The following PRIM1 variants were observed in gnomAD, a reference collection of about 807,000 sequenced individuals.
PRIM1 encodes DNA primase small subunit.
A neutral mutation model predicts 60.2 loss-of-function variants in PRIM1; 38 were observed. The ratio of observed to expected loss-of-function variants is 0.63; its 90% CI spans 0.49 to 0.83. PRIM1 has a LOEUF of 0.83. Among genes scored for constraint, PRIM1 ranks in the 40% least tolerant of loss-of-function variants. PRIM1 has a pLI of 0.00. For synonymous variants in PRIM1, 158 were observed against 160.2 expected, an observed-to-expected ratio of 0.99 and a Z score of 0.10; for missense variants, 388 against 506.2, an observed-to-expected ratio of 0.77 and a Z score of 2.24.
chr12:56,732,780 CT>C (rs35430278), intron 12 of PRIM1, among the ~76,000 whole-genome samples: 93,644 of 151,592 alleles, frequency 0.62, 29,354 homozygotes, highest in South Asian at 0.74. Flanking sequence ...CCTCCATACC[CT>C]TTATCTTATC....
At chr12:56,742,134 T>G in intron 7 of PRIM1, 1 of 352,684 alleles carries the variant, frequency 2.8e-6, no homozygotes, top group South Asian at 2.6e-5. Context: ...ACATCTGTAA[T>G]CCTAGCTACT....
chr12:56,746,721 A>G lies in PRIM1; in HGVS notation c.442+60T>C, dbSNP rs545420669. On this transcript the variant is annotated intron_variant, in intron 4 of 12. Coordinates refer to ENST00000338193, the MANE Select transcript of PRIM1 (RefSeq NM_000946.3). ...CAAAATACAGAGACTAATAGTTAAT[A>G]GTAGTCAGAGGAAAACCGATTCTTA... 9.1e-6 allele frequency: 13 copies of G among 1,421,816 alleles called. 1 individual carries two copies. The highest frequency in any genetic ancestry group is 1.3e-5 in the Non-Finnish European group (13 of 1,014,310). 88.1% of individuals were successfully genotyped at this position (1,421,816 alleles called of 1,614,324 possible). A position where few individuals can be genotyped will look rare whatever the true frequency, so the allele number is the denominator to read the frequency against.
chr12:56,746,624 C>CGT lies in PRIM1; in HGVS notation c.442+155_442+156dup, dbSNP rs1357870574. 1.8e-4 allele frequency among the ~76,000 whole-genome samples: 23 copies of CGT among 129,260 alleles called. No homozygotes were observed. The Admixed American group carries it at 2.0e-3, about 11-fold the overall frequency. The allele number at this position is 129,260 out of a possible 152,430, so 84.8% of individuals were successfully genotyped here. A position where few individuals can be genotyped will look rare whatever the true frequency, so the allele number is the denominator to read the frequency against. On this transcript the variant is annotated intron_variant, in intron 4 of 12. Coordinates refer to ENST00000338193, the MANE Select transcript of PRIM1 (RefSeq NM_000946.3). Reference sequence around the variant, plus strand: ...CCAGCCTGGCTGACAGAGTGAGACTCGTCACACACACACACACACACACAC... The same window carrying CGT: ...CCAGCCTGGCTGACAGAGTGAGACTCGTGTCACACACACACACACACACACAC...
At position 56,732,470 on chromosome 12, in the gene PRIM1, C is replaced by T. The variant is rs954395013; in HGVS notation, c.1244-736G>A. Among the ~76,000 whole-genome samples the T allele has an allele frequency of 6.6e-5, 10 of 152,158 alleles. 1 individual carries two copies. Among genetic ancestry groups the T allele is most frequent in the South Asian group, 4.1e-4 (2 of 4,830 alleles). ...AATAGCGCAGTTGGCCTCTTGGGCTCTATTCTAGTCCCTGTCTTGCCCAGA... is the reference window on the plus strand; with the variant it reads ...AATAGCGCAGTTGGCCTCTTGGGCTTTATTCTAGTCCCTGTCTTGCCCAGA... On this transcript the variant is annotated intron_variant, in intron 12 of 12. Coordinates refer to ENST00000338193, the MANE Select transcript of PRIM1 (RefSeq NM_000946.3).
intron 5 of PRIM1, among the ~76,000 whole-genome samples, chr12:56,745,218 C>T (rs1223308425): frequency 1.3e-5 from 2 of 151,794 alleles, no homozygotes; most frequent in Non-Finnish European, 2.9e-5. Flanking sequence ...TCAAGAACAC[C>T]CTGGGCAATA....
chr12:56,750,459 T>C lies in PRIM1; in HGVS notation c.261+579A>G, dbSNP rs919457695. On this transcript the variant is annotated intron_variant, in intron 2 of 12. Transcript: ENST00000338193. ...AAAGAATATAAATGTTTATTATGAC[T>C]GAACTGTACACTTAAACGTGGTAAA... 2.0e-5 allele frequency among the ~76,000 whole-genome samples: 3 copies of C among 152,332 alleles called. No individual in the cohort carries two copies. In the East Asian group the frequency reaches 5.8e-4, roughly 29 times the overall value.
intron 2 of PRIM1, among the ~76,000 whole-genome samples, chr12:56,748,829 C>A (rs557048096): frequency 5.3e-5 from 8 of 151,818 alleles, no homozygotes; most frequent in Non-Finnish European, 1.2e-4. Flanking sequence ...TGGTGGTATG[C>A]GCCTATAATC....
chr12:56,746,626 TCACACACACACACACACACACA>T (rs71446569), intron 4 of PRIM1, 133 bp downstream of exon 4: 16 of 640,562 alleles, frequency 2.5e-5, no homozygotes, highest in South Asian at 2.2e-4. Context: ...GTGAGACTCG[TCACACACACACACACACACACA>T]CACACACACA....
At chr12:56,750,812 A>AT (rs886178804) in intron 2 of PRIM1, among the ~76,000 whole-genome samples, 1 of 151,904 alleles carries the variant, frequency 6.6e-6, no homozygotes, top group Non-Finnish European at 1.5e-5. Flanking sequence ...TAGATACTCA[A>AT]TTTTTTTTGT....
At chr12:56,733,595 CTT>C (rs879265416) in intron 12 of PRIM1, among the ~76,000 whole-genome samples, 3 of 134,578 alleles carry the variant, frequency 2.2e-5, no homozygotes, top group African/African-American at 2.7e-5. Context: ...GTTAGTACTT[CTT>C]TTTTTTTTTT....
chr12:56,743,902 G>A, intron 6 of PRIM1, 163 bp downstream of exon 6: 1 of 522,076 alleles, frequency 1.9e-6, no homozygotes, highest in Non-Finnish European at 3.4e-6. Context: ...CATCTGTAAA[G>A]CACCTTTTAG....
At chr12:56,742,668 G>C (rs1953881151) in intron 7 of PRIM1, among the ~76,000 whole-genome samples, 2 of 152,114 alleles carry the variant, frequency 1.3e-5, no homozygotes, top group Admixed American at 1.3e-4. Context: ...TGATATAACA[G>C]AAAGAATGCC....
intron 7 of PRIM1, among the ~76,000 whole-genome samples, chr12:56,742,678 C>T (rs578150309): frequency 1.3e-5 from 2 of 152,172 alleles, no homozygotes; most frequent in South Asian, 4.2e-4. Context: ...GAAAGAATGC[C>T]AAAATAACTA....
intron 12 of PRIM1, 38 bp from the exon 13 acceptor site, chr12:56,731,772 G>A: frequency 2.8e-6 from 4 of 1,439,616 alleles, no homozygotes; most frequent in Non-Finnish European, 3.8e-6. Context: ...GAACAGCAAA[G>A]GAAACAAAAC....
chr12:56,735,678 T>A (rs1592331500), intron 11 of PRIM1, among the ~76,000 whole-genome samples: 1 of 149,882 alleles, frequency 6.7e-6, no homozygotes, highest in Admixed American at 6.7e-5. Flanking sequence ...TGAGATGGAG[T>A]CTTGCTCTGT....
rs770474523 is a variant in PRIM1, at chr12:56,741,506, C to T, written c.911G>A (p.Arg304Gln). 25 of 1,613,314 alleles carry T rather than the reference C, an allele frequency of 1.5e-5. No individual in the cohort carries two copies. The highest frequency in any genetic ancestry group is 1.3e-4 in the East Asian group (6 of 44,880). ...WEIMLQYCFP[R>Q]LDINVSKGIN... ...TCCTTTGCTGACATTGATATCCAGC[C>T]GTGGAAAACAGTACTGGAGCATAAT... is the stretch of plus-strand genomic sequence containing the variant. Residue 304 changes from arginine (R) to glutamine (Q), a missense_variant, in exon 9 of 13, where the codon CGG becomes CAG. Around this residue, in one of 3 missense-constraint regions of PRIM1, gnomAD observed 211 missense variants for 277.9 expected, o/e 0.76. Transcript: ENST00000338193.
chr12:56,747,945 G>A (rs1953919987), intron 2 of PRIM1, among the ~76,000 whole-genome samples: 1 of 152,026 alleles, frequency 6.6e-6, no homozygotes, highest in Non-Finnish European at 1.5e-5. Context: ...ATGAGTAAGT[G>A]CGTGTTTAGT....
chr12:56,742,483 T>A (rs1407175347), intron 7 of PRIM1, among the ~76,000 whole-genome samples: 1 of 151,834 alleles, frequency 6.6e-6, no homozygotes, highest in Non-Finnish European at 1.5e-5. Flanking sequence ...GCAGGAGAAT[T>A]GTTTGAACCC....
chr12:56,748,626 C>CA (rs1181089411), intron 2 of PRIM1, among the ~76,000 whole-genome samples: 900 of 67,074 alleles, frequency 0.013, 4 homozygotes, highest in African/African-American at 0.038. Flanking sequence ...GACTCTGTCT[C>CA]AAAAAAAAAA....
Sources: gnomAD v4.1 joint callset for allele counts (sites outside exome capture counted in the v4.1 genomes callset) on GRCh38, gnomAD v4.1.1 for gene constraint, gnomAD v4.1.1 regional missense constraint, MANE v1.5 for transcripts, NCBI Gene and HGNC (gene_info 2026-07-23, HGNC 2026-07-21) for gene names.